Variants in OLA1 observed in about 807,000 individuals in gnomAD.
The protein encoded by OLA1 is obg-like ATPase 1.
OLA1 carries 14 observed loss-of-function variants against 48.4 expected under a neutral mutation model. That is an observed-to-expected ratio of 0.29 (90% CI 0.19 to 0.45). OLA1 has a LOEUF of 0.45. Ranked by LOEUF, OLA1 falls within the 20% of genes least tolerant of loss-of-function variation. The pLI, the probability that OLA1 is intolerant of heterozygous loss-of-function variation, is 1.00. For synonymous variants in OLA1, 127 were observed against 150.4 expected, an observed-to-expected ratio of 0.84 and a Z score of 1.14; for missense variants, 325 against 467.1, an observed-to-expected ratio of 0.70 and a Z score of 2.80.
At chr2:174,122,943 A>T (rs1243368739) in intron 7 of OLA1, among the ~76,000 whole-genome samples, 1 of 152,174 alleles carries the variant, frequency 6.6e-6, no homozygotes, top group African/African-American at 2.4e-5. Context: ...TTGATAAGTA[A>T]ATGTATATAA....
intron 5 of OLA1, among the ~76,000 whole-genome samples, chr2:174,133,629 G>C (rs962272593): frequency 2.2e-4 from 34 of 152,292 alleles, no homozygotes; most frequent in African/African-American, 7.9e-4. Flanking sequence ...ACAGGCGTGA[G>C]CCACTGCACC....
chr2:174,122,340 C>A (rs1389019302), intron 7 of OLA1, among the ~76,000 whole-genome samples: 2 of 152,100 alleles, frequency 1.3e-5, no homozygotes, highest in African/African-American at 4.8e-5. Flanking sequence ...AGTTTAAAGC[C>A]TTCTCACTCT....
rs151013194 is a variant in OLA1 at position 174,154,753 on chromosome 2, G to A, written c.374-12753C>T. Among the ~76,000 whole-genome samples the A allele has an allele frequency of 7.9e-3, 1,202 of 152,240 alleles. 19 individuals are homozygous for A. Among genetic ancestry groups the A allele is most frequent in the African/African-American group, 0.027 (1,130 of 41,532 alleles). On this transcript the variant is annotated intron_variant, in intron 4 of 10. Coordinates refer to ENST00000284719, the MANE Select transcript of OLA1 (RefSeq NM_013341.5). Reference sequence around the variant, plus strand: ...AGAAATTAACAAAAACTAGAATTCTGTCTTTATTAGCAATACTGTAAGATA... The same window carrying A: ...AGAAATTAACAAAAACTAGAATTCTATCTTTATTAGCAATACTGTAAGATA...
chr2:174,202,237 C>T (rs571233758), intron 4 of OLA1, among the ~76,000 whole-genome samples: 1 of 152,220 alleles, frequency 6.6e-6, no homozygotes, highest in Non-Finnish European at 1.5e-5. Flanking sequence ...TGACACCATT[C>T]ACAGTTGAAA....
At chr2:174,185,011 A>G (rs977997596) in intron 4 of OLA1, among the ~76,000 whole-genome samples, 9 of 152,226 alleles carry the variant, frequency 5.9e-5, no homozygotes, top group African/African-American at 2.2e-4. Flanking sequence ...TAACAAACAG[A>G]AAAGTTTATT....
chr2:174,098,422 T>C (rs1285468335), intron 7 of OLA1, among the ~76,000 whole-genome samples: 1 of 152,154 alleles, frequency 6.6e-6, no homozygotes, highest in East Asian at 1.9e-4. Flanking sequence ...GGGAAATGTG[T>C]GAGTAGAATC....
At chr2:174,128,310 G>T (rs1416544077) in intron 5 of OLA1, among the ~76,000 whole-genome samples, 1 of 151,894 alleles carries the variant, frequency 6.6e-6, no homozygotes, top group Non-Finnish European at 1.5e-5. Context: ...TGAGGTTGAG[G>T]GGGGTATTGC....
intron 4 of OLA1, among the ~76,000 whole-genome samples, chr2:174,145,867 G>A (rs192383130): frequency 7.8e-4 from 119 of 152,296 alleles, no homozygotes; most frequent in African/African-American, 2.3e-3. Flanking sequence ...ATATGATACA[G>A]TTTTTGTGAA....
intron 4 of OLA1, among the ~76,000 whole-genome samples, chr2:174,211,843 T>C (rs1212884777): frequency 2.0e-5 from 3 of 152,214 alleles, no homozygotes; most frequent in African/African-American, 2.4e-5. Flanking sequence ...TACTGACATA[T>C]TGAAATAATA....
At chr2:174,157,692 C>G (rs935606112) in intron 4 of OLA1, among the ~76,000 whole-genome samples, 1 of 151,922 alleles carries the variant, frequency 6.6e-6, no homozygotes. Context: ...TGGATTTTGA[C>G]TTCTATCTAA....
intron 7 of OLA1, among the ~76,000 whole-genome samples, chr2:174,088,431 G>A (rs1403785848): frequency 6.6e-6 from 1 of 152,074 alleles, no homozygotes; most frequent in Non-Finnish European, 1.5e-5. Flanking sequence ...GTTATAGCAG[G>A]TTTATAACCT....
intron 4 of OLA1, among the ~76,000 whole-genome samples, chr2:174,164,186 A>G (rs1399988884): frequency 6.6e-6 from 1 of 152,046 alleles, no homozygotes; most frequent in African/African-American, 2.4e-5. Context: ...CTGTAAGTCA[A>G]TTAAACCTAT....
chr2:174,164,664 T>C (rs955645776), intron 4 of OLA1, among the ~76,000 whole-genome samples: 4 of 152,162 alleles, frequency 2.6e-5, no homozygotes, highest in African/African-American at 9.7e-5. Context: ...CCTCTCCAAA[T>C]TCACAGAATT....
At position 174,090,207 on chromosome 2, in the gene OLA1, T is replaced by C. The variant is rs142924718; in HGVS notation, c.729-8143A>G. ...AATTCTAGAGAAATGGCCATTTCTT[T>C]TGCAGCATATAAAAATTGGATTTCA... is the stretch of plus-strand genomic sequence containing the variant. On this transcript the variant is annotated intron_variant, in intron 7 of 10. Coordinates refer to ENST00000284719, the MANE Select transcript of OLA1 (RefSeq NM_013341.5). 1.2e-4 allele frequency among the ~76,000 whole-genome samples: 18 copies of C among 152,298 alleles called. No individual in the cohort carries two copies. The East Asian group carries it at 3.5e-3, about 29-fold the overall frequency.
At chr2:174,177,042 C>A (rs1482921423) in intron 4 of OLA1, among the ~76,000 whole-genome samples, 1 of 152,060 alleles carries the variant, frequency 6.6e-6, no homozygotes, top group Admixed American at 6.6e-5. Flanking sequence ...ACACAGGCAC[C>A]AGCAATTTCC....
At chr2:174,165,539 G>A (rs186976569) in intron 4 of OLA1, among the ~76,000 whole-genome samples, 164 of 152,306 alleles carry the variant, frequency 1.1e-3, no homozygotes, top group African/African-American at 2.9e-3. Flanking sequence ...GGTATAGAAC[G>A]AATGTTGATC....
chr2:174,120,652 T>C (rs1183287126), intron 7 of OLA1, among the ~76,000 whole-genome samples: 1 of 152,192 alleles, frequency 6.6e-6, no homozygotes, highest in African/African-American at 2.4e-5. Context: ...AATGTCAATA[T>C]AGCTACTCAA....
intron 7 of OLA1, among the ~76,000 whole-genome samples, chr2:174,101,862 A>G (rs1685404562): frequency 6.6e-6 from 1 of 152,214 alleles, no homozygotes; most frequent in Non-Finnish European, 1.5e-5. Context: ...ATAAAAGAAG[A>G]TATGTTAAAA....
intron 5 of OLA1, among the ~76,000 whole-genome samples, chr2:174,136,971 G>T (rs146044309): frequency 8.0e-4 from 121 of 152,130 alleles, no homozygotes; most frequent in Non-Finnish European, 1.2e-3. Flanking sequence ...CACCACGCCC[G>T]GCCATGAAAA....
Sources: gnomAD v4.1 joint callset for allele counts (sites outside exome capture counted in the v4.1 genomes callset) on GRCh38, gnomAD v4.1.1 for gene constraint, MANE v1.5 for transcripts, NCBI Gene and HGNC (gene_info 2026-07-23, HGNC 2026-07-21) for gene names.